The following OSBPL11 variants were observed in gnomAD, a reference collection of about 807,000 sequenced individuals.
OSBPL11 encodes oxysterol binding protein like 11.
OSBPL11 carries 33 observed loss-of-function variants against 84.4 expected under a neutral mutation model. The ratio of observed to expected loss-of-function variants is 0.39; its 90% CI spans 0.30 to 0.52. The LOEUF (loss-of-function observed/expected upper bound fraction) is 0.52. OSBPL11 is among the 20% of genes least tolerant of loss of function. The pLI is 0.72. For synonymous variants in OSBPL11, 276 were observed against 310.2 expected (o/e 0.89, Z 1.16); for missense variants, 736 against 901.1 (o/e 0.82, Z 2.35).
chr3:125,560,808 T>C (rs1316682901), intron 7 of OSBPL11, among the ~76,000 whole-genome samples: 1 of 152,126 alleles, frequency 6.6e-6, no homozygotes, highest in African/African-American at 2.4e-5. Context: ...GTGAAGAATG[T>C]CTCCTCCAGC....
At chr3:125,553,859 G>A (rs1107253) in intron 8 of OSBPL11, among the ~76,000 whole-genome samples, 4,637 of 152,194 alleles carry the variant, frequency 0.03, 194 homozygotes, top group African/African-American at 0.11. Context: ...ACTTTCTGTC[G>A]AAATTCCACT....
At chr3:125,567,778 A>AG (rs1490242646) in intron 5 of OSBPL11, among the ~76,000 whole-genome samples, 183 bp from the exon 6 acceptor site, 1 of 152,072 alleles carries the variant, frequency 6.6e-6, no homozygotes, top group Non-Finnish European at 1.5e-5. Context: ...AGATAACTTG[A>AG]GCCCAGGAGT....
rs1559835824 is a variant in OSBPL11, at chr3:125,542,331, TC to T, written c.1842-3699del. On this transcript the variant is annotated intron_variant, in intron 10 of 12. Transcript: ENST00000296220. The stretch of plus-strand genomic sequence containing the variant: ...TTATGGAAAGCGATGCTTTTTCTTT[TC>T]TTTCTTTTTTTTTTGAGATGCAGTT... Among the ~76,000 whole-genome samples the T allele has an allele frequency of 3.5e-4, 53 of 149,712 alleles. No individual in the cohort carries two copies. In the East Asian group the frequency reaches 5.9e-3, roughly 17 times the overall value.
chr3:125,572,654 G>A (rs113123622), intron 5 of OSBPL11, among the ~76,000 whole-genome samples: 8,358 of 151,914 alleles, frequency 0.055, 320 homozygotes, highest in African/African-American at 0.12. Flanking sequence ...TGCCATCCAT[G>A]TAAGACGTGA....
At chr3:125,540,670 G>C in intron 10 of OSBPL11, among the ~76,000 whole-genome samples, 1 of 152,158 alleles carries the variant, frequency 6.6e-6, no homozygotes, top group East Asian at 1.9e-4. Context: ...AAGATAATCA[G>C]CTCCTCACTT....
chr3:125,594,932 G>A lies in OSBPL11; in HGVS notation c.-132C>T. The A allele has an allele frequency of 1.0e-6, 1 of 992,812 alleles. No individual in the cohort carries two copies. The highest frequency in any genetic ancestry group is 1.5e-6 in the Non-Finnish European group (1 of 685,370). 61.5% of individuals were successfully genotyped at this position (992,812 alleles called of 1,614,324 possible). On this transcript the variant is annotated 5_prime_UTR_variant, in exon 1 of 13. Transcript: ENST00000296220. ...CTAAATCACACGGCGGCTGGGGCGG[G>A]ACTGTCAAATGGTCCAGAAAAGGAA...
intron 5 of OSBPL11, among the ~76,000 whole-genome samples, chr3:125,572,472 C>A (rs1175064412): frequency 1.3e-5 from 2 of 152,058 alleles, no homozygotes; most frequent in African/African-American, 4.8e-5. Context: ...TGTGTCCCCA[C>A]CCAAATCTCA....
intron 1 of OSBPL11, among the ~76,000 whole-genome samples, chr3:125,584,240 C>T (rs541696645): frequency 6.6e-6 from 1 of 152,088 alleles, no homozygotes; most frequent in African/African-American, 2.4e-5. Flanking sequence ...GTGGCACGTG[C>T]CTGTAATCCC....
intron 4 of OSBPL11, among the ~76,000 whole-genome samples, chr3:125,578,003 GT>G (rs1048385333): frequency 3.9e-5 from 6 of 152,152 alleles, no homozygotes; most frequent in African/African-American, 1.2e-4. Flanking sequence ...GAAATCATAT[GT>G]TCACATAAAA....
At chr3:125,589,309 T>C (rs1181536081) in intron 1 of OSBPL11, among the ~76,000 whole-genome samples, 3 of 140,670 alleles carry the variant, frequency 2.1e-5, no homozygotes, top group Non-Finnish European at 3.0e-5. Context: ...ACCATTGTGC[T>C]CTAGCCTGGG....
chr3:125,579,326 A>T (rs1323444001), intron 3 of OSBPL11, among the ~76,000 whole-genome samples: 7 of 152,244 alleles, frequency 4.6e-5, no homozygotes, highest in African/African-American at 1.7e-4. Context: ...ATTTAAAGAA[A>T]TAACCCCTTA....
chr3:125,539,652 G>A (rs7612723), intron 10 of OSBPL11, among the ~76,000 whole-genome samples: 9,912 of 152,014 alleles, frequency 0.065, 447 homozygotes, highest in African/African-American at 0.13. Context: ...GTTTTGCCAT[G>A]TTGGCCAGGC....
chr3:125,551,604 C>G (rs180928408), intron 9 of OSBPL11, among the ~76,000 whole-genome samples: 1 of 152,046 alleles, frequency 6.6e-6, no homozygotes, highest in Non-Finnish European at 1.5e-5. Context: ...CCCCCCATCT[C>G]TACTAACAAT....
chr3:125,529,389 C>T lies in OSBPL11; in HGVS notation c.*1126G>A, dbSNP rs1368255376. The T allele has an allele frequency of 1.3e-5, 2 of 151,796 alleles. No individual in the cohort carries two copies. Among genetic ancestry groups the T allele is most frequent in the African/African-American group, 4.8e-5 (2 of 41,326 alleles). 9.4% of individuals were successfully genotyped at this position (151,796 alleles called of 1,614,324 possible). On this transcript the variant is annotated 3_prime_UTR_variant, in exon 13 of 13. Coordinates refer to ENST00000296220, the MANE Select transcript of OSBPL11 (RefSeq NM_022776.5). ...AAGATTTGTACCTGAATACAACTTC[C>T]TGATCTTTTTTTCCTGATACCTTTT... is the stretch of plus-strand genomic sequence containing the variant.
chr3:125,541,437 G>C (rs922790044), intron 10 of OSBPL11, among the ~76,000 whole-genome samples: 2 of 152,244 alleles, frequency 1.3e-5, no homozygotes, highest in African/African-American at 2.4e-5. Context: ...TGTGTGCATG[G>C]AGGGGGAGTT....
chr3:125,577,930 C>G (rs936582648), intron 4 of OSBPL11, among the ~76,000 whole-genome samples: 1 of 152,070 alleles, frequency 6.6e-6, no homozygotes, highest in Non-Finnish European at 1.5e-5. Context: ...GGCAGTTCCT[C>G]AAAATGTTAA....
At chr3:125,565,076 T>G (rs985051489) in intron 6 of OSBPL11, among the ~76,000 whole-genome samples, 2 of 152,132 alleles carry the variant, frequency 1.3e-5, no homozygotes, top group African/African-American at 4.8e-5. Flanking sequence ...AGACTCCATC[T>G]CTACAAAAAC....
intron 1 of OSBPL11, among the ~76,000 whole-genome samples, chr3:125,589,520 C>A (rs1936566732): frequency 6.6e-6 from 1 of 151,672 alleles, no homozygotes; most frequent in Non-Finnish European, 1.5e-5. Context: ...AATTATCTTT[C>A]TCTTGTTTTT....
chr3:125,549,811 C>T (rs1023039424), intron 9 of OSBPL11, among the ~76,000 whole-genome samples: 1 of 152,122 alleles, frequency 6.6e-6, no homozygotes, highest in Non-Finnish European at 1.5e-5. Flanking sequence ...GAAGTACTTC[C>T]TTTCTTGCAG....
Sources: gnomAD v4.1 joint callset for allele counts (sites outside exome capture counted in the v4.1 genomes callset) on GRCh38, gnomAD v4.1.1 for gene constraint, MANE v1.5 for transcripts, NCBI Gene and HGNC (gene_info 2026-07-23, HGNC 2026-07-21) for gene names.